The following FRYL variants were observed in gnomAD, a reference collection of about 807,000 sequenced individuals.
The protein encoded by FRYL is FRY like transcription coactivator.
Under a neutral mutation model 351.2 loss-of-function variants are expected in FRYL, and 150 were observed. The ratio of observed to expected loss-of-function variants is 0.43; its 90% confidence interval spans 0.37 to 0.49. The LOEUF is 0.49. Among genes scored for constraint, FRYL ranks in the 20% least tolerant of loss-of-function variants. The pLI is 0.00. For synonymous variants in FRYL, 1,153 were observed against 1,257.1 expected, an observed-to-expected ratio of 0.92 and a Z score of 1.75; for missense variants, 3,036 against 3,619.3, an observed-to-expected ratio of 0.84 and a Z score of 4.13.
At chr4:48,751,657 T>C (rs1400745443) in intron 1 of FRYL, among the ~76,000 whole-genome samples, 1 of 151,552 alleles carries the variant, frequency 6.6e-6, no homozygotes, top group African/African-American at 2.4e-5. Flanking sequence ...AACTAGTGAG[T>C]TCCATGAAAG....
At chr4:48,687,671 GATGT>G (rs1030216162) in intron 2 of FRYL, among the ~76,000 whole-genome samples, 99 of 152,264 alleles carry the variant, frequency 6.5e-4, no homozygotes, top group African/African-American at 2.2e-3. Context: ...GAAGACATTT[GATGT>G]ATGTGTCTCT....
chr4:48,505,964 A>G (rs1720821802), intron 59 of FRYL: 1 of 184,392 alleles, frequency 5.4e-6, no homozygotes, highest in South Asian at 1.8e-4. Context: ...AGACGGGGAA[A>G]GGAAAGATGT....
intron 1 of FRYL, among the ~76,000 whole-genome samples, chr4:48,754,550 A>C (rs1386741448): frequency 1.3e-5 from 2 of 152,200 alleles, no homozygotes; most frequent in Non-Finnish European, 2.9e-5. Context: ...TCAACTGAGA[A>C]GCCACCCAAC....
At chr4:48,530,470 C>T (rs181980722) in intron 50 of FRYL, among the ~76,000 whole-genome samples, 77 of 152,266 alleles carry the variant, frequency 5.1e-4, no homozygotes, top group Non-Finnish European at 3.4e-4. Flanking sequence ...AGTGATCCTC[C>T]TAAAATGCAA....
At chr4:48,645,082 G>A (rs1164488436) in intron 3 of FRYL, among the ~76,000 whole-genome samples, 1 of 139,750 alleles carries the variant, frequency 7.2e-6, no homozygotes, top group Non-Finnish European at 1.5e-5. Flanking sequence ...TTCAAACAGT[G>A]TACCCAGAAA....
At position 48,656,985 on chromosome 4, in the gene FRYL, C is replaced by G. The variant is rs562365623; in HGVS notation, c.-80-22495G>C. Among the ~76,000 whole-genome samples the G allele has an allele frequency of 6.6e-5, 10 of 152,264 alleles. No individual in the cohort carries two copies. In the South Asian group the frequency reaches 2.1e-3, roughly 32 times the overall value. On this transcript the variant is annotated intron_variant, in intron 3 of 63. Transcript: ENST00000358350. ...TAGTGTTACTATTTCAACTATTAAT[C>G]ACAAACATCTTAGCAAAGCTTAGTG...
chr4:48,500,054 G>A lies in FRYL; in HGVS notation c.8759C>T (p.Ala2920Val). 6.3e-7 allele frequency: 1 copy of A among 1,595,466 alleles called. No individual in the cohort carries two copies. The highest frequency in any genetic ancestry group is 8.5e-7 in the Non-Finnish European group (1 of 1,174,576). ...ETLKNKEFISAVAQVKAFRSL... is the reference protein window; with the variant it reads ...ETLKNKEFISVVAQVKAFRSL... The stretch of plus-strand genomic sequence containing the variant: ...CCTGAAAGCTTTGACTTGTGCTACA[G>A]CTGATATAAATTCTTTATTTTTCAA... Residue 2920 changes from alanine to valine, a missense_variant, in exon 63 of 64, where the codon GCT (alanine) becomes GTT (valine). Around this residue, in one of 7 missense-constraint regions of FRYL, gnomAD observed 1,987 missense variants for 2,311.7 expected, o/e 0.86. Transcript: ENST00000358350.
intron 24 of FRYL, 40 bp from the exon 25 acceptor site, chr4:48,575,281 T>C (rs757117759): frequency 1.3e-6 from 2 of 1,594,574 alleles, no homozygotes; most frequent in Admixed American, 3.4e-5. Context: ...CCACTAATGA[T>C]ACTATGTCCA....
At chr4:48,754,308 ATAGT>A (rs976086579) in intron 1 of FRYL, among the ~76,000 whole-genome samples, 2 of 152,188 alleles carry the variant, frequency 1.3e-5, no homozygotes, top group Non-Finnish European at 2.9e-5. Context: ...GCACTTTATA[ATAGT>A]TAGTACTTCA....
chr4:48,614,815 C>CTTTTTTTTT (rs369399363), intron 7 of FRYL, among the ~76,000 whole-genome samples: 3 of 67,930 alleles, frequency 4.4e-5, no homozygotes, highest in African/African-American at 1.8e-4. Context: ...AAGTTTAATG[C>CTTTTTTTTT]TTTTTTTTTT....
intron 33 of FRYL, among the ~76,000 whole-genome samples, chr4:48,558,461 A>G (rs1385596287): frequency 4.6e-5 from 7 of 152,224 alleles, no homozygotes; most frequent in African/African-American, 1.7e-4. Context: ...ATTGTTGTTT[A>G]GTGGGTATAG....
intron 3 of FRYL, among the ~76,000 whole-genome samples, chr4:48,665,611 G>A (rs1193128167): frequency 6.6e-6 from 1 of 152,162 alleles, no homozygotes; most frequent in Non-Finnish European, 1.5e-5. Context: ...AGGTTATACA[G>A]ATGCTTAGGG....
chr4:48,722,018 T>C (rs74726948), intron 1 of FRYL, among the ~76,000 whole-genome samples: 3,984 of 152,324 alleles, frequency 0.026, 67 homozygotes, highest in Admixed American at 0.046. Context: ...GTTTTTGTTC[T>C]GGTTTTTGGA....
rs547232935 is a variant in FRYL, at chr4:48,619,450, T to C, written c.315-80A>G. The C allele has an allele frequency of 3.5e-5, 25 of 705,432 alleles. 1 individual carries two copies. In the South Asian group the frequency reaches 5.9e-4, roughly 17 times the overall value. 43.7% of individuals were successfully genotyped at this position (705,432 alleles called of 1,614,324 possible). A position where few individuals can be genotyped will look rare whatever the true frequency, so the allele number is the denominator to read the frequency against. ...CTGTTAGTTAGTAGCTCATGTCGCT[T>C]ACTGTTTTCCTACTATGTAAAATGT... On this transcript the variant is annotated intron_variant, in intron 6 of 63. Coordinates refer to ENST00000358350, the MANE Select transcript of FRYL (RefSeq NM_015030.2).
At chr4:48,507,906 C>CAGAG (rs1399113788) in intron 59 of FRYL, among the ~76,000 whole-genome samples, 2 of 152,230 alleles carry the variant, frequency 1.3e-5, no homozygotes, top group East Asian at 3.9e-4. Flanking sequence ...AGAAGGTCGG[C>CAGAG]AGAGACCGCT....
intron 35 of FRYL, 96 bp from the exon 36 acceptor site, chr4:48,553,479 A>G (rs565929436): frequency 8.1e-5 from 63 of 777,552 alleles, no homozygotes; most frequent in South Asian, 1.2e-4. Flanking sequence ...TTCAACTTTA[A>G]GTGGTAGATG....
At chr4:48,692,076 T>A (rs1203750516) in intron 2 of FRYL, among the ~76,000 whole-genome samples, 1 of 152,182 alleles carries the variant, frequency 6.6e-6, no homozygotes, top group African/African-American at 2.4e-5. Context: ...ATGTTGAATA[T>A]AGGATACTAA....
chr4:48,633,021 T>C (rs1753556195), intron 4 of FRYL, among the ~76,000 whole-genome samples: 1 of 152,164 alleles, frequency 6.6e-6, no homozygotes, highest in Non-Finnish European at 1.5e-5. Flanking sequence ...AAATTGGTGG[T>C]GAATAGCTAT....
At chr4:48,550,547 C>T (rs778700366) in intron 38 of FRYL, 45 bp downstream of exon 38, 1 of 1,147,418 alleles carries the variant, frequency 8.7e-7, no homozygotes, top group Non-Finnish European at 1.3e-6. Flanking sequence ...ATTAACAATA[C>T]ACCTCACCCT....
Sources: gnomAD v4.1 joint callset for allele counts (sites outside exome capture counted in the v4.1 genomes callset) on GRCh38, gnomAD v4.1.1 for gene constraint, gnomAD v4.1.1 regional missense constraint, MANE v1.5 for transcripts, NCBI Gene and HGNC (gene_info 2026-07-23, HGNC 2026-07-21) for gene names.